VAPA: variants seen among roughly 807,000 people sequenced by gnomAD.
VAPA encodes VAMP associated protein A, also known as vesicle-associated membrane protein-associated protein A.
VAPA carries 6 observed loss-of-function variants against 25.6 expected under a neutral mutation model. That is an observed-to-expected ratio of 0.23 (90% CI 0.13 to 0.46). The LOEUF (loss-of-function observed/expected upper bound fraction) is 0.46, where lower values mean the gene tolerates loss of function less well. VAPA is among the 20% of genes least tolerant of loss of function. The pLI, the probability that VAPA is intolerant of heterozygous loss-of-function variation, is 0.99. For missense variants in VAPA, 244 were observed against 302.1 expected, an observed-to-expected ratio of 0.81 and a Z score of 1.43; for synonymous variants, 112 against 106.2, an observed-to-expected ratio of 1.05 and a Z score of -0.34.
At chr18:9,920,822 C>T (rs765751886) in intron 1 of VAPA, among the ~76,000 whole-genome samples, 1 of 152,236 alleles carries the variant, frequency 6.6e-6, no homozygotes, top group Non-Finnish European at 1.5e-5. Flanking sequence ...CCAAACACTC[C>T]AGGCCACTGC....
intron 4 of VAPA, among the ~76,000 whole-genome samples, chr18:9,946,271 A>G (rs1016973326): frequency 3.3e-5 from 5 of 152,118 alleles, no homozygotes; most frequent in African/African-American, 1.2e-4. Flanking sequence ...AAACCTATAT[A>G]TGGTATTGCC....
intron 3 of VAPA, 32 bp from the exon 4 acceptor site, chr18:9,936,954 T>G: frequency 1.3e-6 from 2 of 1,585,508 alleles, no homozygotes; most frequent in Non-Finnish European, 1.7e-6. Context: ...TCATACCTCC[T>G]ATGTCTCATG....
intron 1 of VAPA, among the ~76,000 whole-genome samples, chr18:9,917,872 G>T (rs1002195509): frequency 6.6e-5 from 10 of 152,082 alleles, no homozygotes; most frequent in African/African-American, 2.4e-4. Context: ...GTTTCCAGTC[G>T]GCTCTTCATG....
rs1021430159 is a variant in VAPA, at chr18:9,955,376, T to A, written c.*1165T>A. On this transcript the variant is annotated 3_prime_UTR_variant, in exon 6 of 6. Coordinates refer to ENST00000400000, the MANE Select transcript of VAPA (RefSeq NM_194434.3). ...TTAGCCTTTGCAAATGTTAACCATG[T>A]GAAACACATTTTCAGTATAAGTATG... is the stretch of plus-strand genomic sequence containing the variant. 1.3e-5 allele frequency: 2 copies of A among 152,244 alleles called. No homozygotes were observed. Among genetic ancestry groups the A allele is most frequent in the Non-Finnish European group, 2.9e-5 (2 of 68,040 alleles). The allele number at this position is 152,244 out of a possible 1,614,324, so 9.4% of individuals were successfully genotyped here.
At chr18:9,936,267 T>G (rs2069309067) in intron 3 of VAPA, 54 bp downstream of exon 3, 3 of 1,136,498 alleles carry the variant, frequency 2.6e-6, no homozygotes, top group Non-Finnish European at 3.6e-6. Context: ...CTGTGGGTGT[T>G]GTTTAGCAGT....
intron 4 of VAPA, among the ~76,000 whole-genome samples, chr18:9,937,641 A>G (rs1471810451): frequency 6.6e-6 from 1 of 152,196 alleles, no homozygotes; most frequent in Non-Finnish European, 1.5e-5. Flanking sequence ...TAGTCTGTGA[A>G]TGTACCGAGT....
At position 9,930,382 on chromosome 18, in the gene VAPA, T is replaced by A. The variant is rs29168; in HGVS notation, c.80-1428T>A. On this transcript the variant is annotated intron_variant, in intron 1 of 5. Transcript: ENST00000400000. ...AACATTTTACATTTTTAAGCGTTTG[T>A]AGTAATTATGGGTTTGAGAATGTTA... Among the ~76,000 whole-genome samples the A allele has an allele frequency of 3.6e-4, 55 of 152,242 alleles. No individual in the cohort carries two copies. In the Middle Eastern group the frequency reaches 0.01, roughly 28 times the overall value.
At position 9,956,145 on chromosome 18, in the gene VAPA, T is replaced by C. The variant is rs181834594; in HGVS notation, c.*1934T>C. On this transcript the variant is annotated 3_prime_UTR_variant, in exon 6 of 6. Coordinates refer to ENST00000400000, the MANE Select transcript of VAPA (RefSeq NM_194434.3). The stretch of plus-strand genomic sequence containing the variant: ...CATTTTGTTCAGCCCCTTTGTTCTA[T>C]GGTTGAGAAATCTGAGGCCTTACGA... 1 of 152,276 alleles carries C rather than the reference T, an allele frequency of 6.6e-6. No individual in the cohort carries two copies. The highest frequency in any genetic ancestry group is 1.5e-5 in the Non-Finnish European group (1 of 68,016). 9.4% of individuals were successfully genotyped at this position (152,276 alleles called of 1,614,324 possible). A position where few individuals can be genotyped will look rare whatever the true frequency, so the allele number is the denominator to read the frequency against.
At chr18:9,949,264 G>C (rs2069461169) in intron 4 of VAPA, 1 of 152,202 alleles carries the variant, frequency 6.6e-6, no homozygotes, top group African/African-American at 2.4e-5. Flanking sequence ...GCTTAACTGG[G>C]AAGCTTGAAG....
chr18:9,953,908 T>A (rs2069515275), intron 5 of VAPA, 145 bp from the exon 6 acceptor site: 15 of 895,860 alleles, frequency 1.7e-5, no homozygotes, highest in Non-Finnish European at 2.4e-5. Flanking sequence ...AAAGTTTCCT[T>A]ATGTGGTTAG....
At chr18:9,941,456 CAATT>C (rs1439097597) in intron 4 of VAPA, among the ~76,000 whole-genome samples, 3 of 152,166 alleles carry the variant, frequency 2.0e-5, no homozygotes, top group Admixed American at 6.5e-5. Context: ...TTGTTTCTAA[CAATT>C]AAGGATAAAA....
At chr18:9,945,751 T>G (rs551242453) in intron 4 of VAPA, among the ~76,000 whole-genome samples, 156 of 152,314 alleles carry the variant, frequency 1.0e-3, no homozygotes, top group African/African-American at 3.6e-3. Context: ...ATCTAAATGT[T>G]TAATAATTTT....
intron 3 of VAPA, chr18:9,936,513 A>C (rs546835241): frequency 9.1e-6 from 2 of 220,798 alleles, no homozygotes; most frequent in African/African-American, 4.6e-5. Context: ...GTTCGAGACC[A>C]GCTCAGGCGA....
At chr18:9,917,068 T>G (rs2069117748) in intron 1 of VAPA, among the ~76,000 whole-genome samples, 1 of 152,238 alleles carries the variant, frequency 6.6e-6, no homozygotes, top group African/African-American at 2.4e-5. Flanking sequence ...CATATAAAAG[T>G]GCATTTACGA....
At chr18:9,938,915 A>G (rs1301041536) in intron 4 of VAPA, among the ~76,000 whole-genome samples, 2 of 152,168 alleles carry the variant, frequency 1.3e-5, no homozygotes, top group Admixed American at 1.3e-4. Flanking sequence ...GTTAATTCTC[A>G]TCTTAGGTAT....
chr18:9,924,883 T>C (rs1440744434), intron 1 of VAPA: 1 of 151,746 alleles, frequency 6.6e-6, no homozygotes, highest in African/African-American at 2.4e-5. Context: ...TACTACATTA[T>C]GCTTTTTTTT....
At position 9,929,866 on chromosome 18, in the gene VAPA, A is replaced by G. The variant is rs117354647; in HGVS notation, c.80-1944A>G. 3.3e-3 allele frequency among the ~76,000 whole-genome samples: 498 copies of G among 152,322 alleles called. 4 individuals carry two copies. The highest frequency in any genetic ancestry group is 5.6e-3 in the Non-Finnish European group (384 of 68,012). On this transcript the variant is annotated intron_variant, in intron 1 of 5. Transcript: ENST00000400000. ...ACTCGCAAGTTAACATGTCCTGTTA[A>G]GAATTTAGTTTTGAATGGGTGAGGT...
intron 1 of VAPA, among the ~76,000 whole-genome samples, chr18:9,927,266 G>A (rs2069208443): frequency 6.6e-6 from 1 of 152,082 alleles, no homozygotes; most frequent in African/African-American, 2.4e-5. Context: ...TGAGTGATGA[G>A]TGTATGAGTG....
Position 9,951,931 on chromosome 18 carries a change from G to A in VAPA, c.591+1363G>A, listed in dbSNP as rs115824644. 5.7e-3 allele frequency among the ~76,000 whole-genome samples: 868 copies of A among 152,218 alleles called. 5 individuals carry two copies. The highest frequency in any genetic ancestry group is 0.018 in the African/African-American group (735 of 41,530). ...GCTTCCAAGCACTTGTCTGGGTAGC[G>A]GAAAGAATATCTTTATTTCACACCT... On this transcript the variant is annotated intron_variant, in intron 5 of 5. Transcript: ENST00000400000.
Sources: allele counts gnomAD v4.1 joint callset (sites outside exome capture counted in the v4.1 genomes callset), GRCh38; gene constraint gnomAD v4.1.1; transcripts MANE v1.5; gene names NCBI Gene and HGNC (gene_info 2026-07-23, HGNC 2026-07-21).